Variants in SLTM observed in about 807,000 individuals in gnomAD.
SLTM encodes SAFB like transcription modulator, also known as SAFB-like transcription modulator.
Under a neutral mutation model 134.6 loss-of-function variants are expected in SLTM, and 43 were observed. The ratio of observed to expected loss-of-function variants is 0.32; its 90% CI spans 0.25 to 0.41. The LOEUF (loss-of-function observed/expected upper bound fraction) is 0.41, where lower values mean the gene tolerates loss of function less well. Ranked by LOEUF, SLTM falls within the 10% of genes least tolerant of loss-of-function variation. SLTM has a pLI of 1.00. For synonymous variants in SLTM, 424 were observed against 432.3 expected (o/e 0.98, Z 0.24); for missense variants, 1,055 against 1,288.8 (o/e 0.82, Z 2.78).
intron 5 of SLTM, among the ~76,000 whole-genome samples, chr15:58,911,642 A>C (rs1595899823): frequency 6.6e-6 from 1 of 152,366 alleles, no homozygotes; most frequent in East Asian, 1.9e-4. Context: ...TTCTTTAGTC[A>C]CAGATATGAG....
chr15:58,932,361 C>A lies in SLTM; in HGVS notation c.245G>T (p.Gly82Val). 1 of 1,610,946 alleles carries A rather than the reference C, an allele frequency of 6.2e-7. No individual in the cohort carries two copies. The highest frequency in any genetic ancestry group is 1.7e-4 in the Middle Eastern group (1 of 6,058). The change falls in exon 2 of 21, where the codon GGC (glycine) becomes GTC (valine). Residue 82 changes from glycine to valine, a missense_variant. Physicochemically the swap from Gly to Val is moderately radical, Grantham distance 109. Transcript: ENST00000380516. ...TGTTCATAACTCGTAACAACCTTTGCCTTTAGTTGGTTTCTTGTTTGGAGT... is the reference window on the plus strand; with the variant it reads ...TGTTCATAACTCGTAACAACCTTTGACTTTAGTTGGTTTCTTGTTTGGAGT... ...TDTPNKKPTK[G>V]KGKKHEADEL...
At chr15:58,906,333 T>C (rs1315249577) in intron 5 of SLTM, among the ~76,000 whole-genome samples, 1 of 152,194 alleles carries the variant, frequency 6.6e-6, no homozygotes, top group Non-Finnish European at 1.5e-5. Flanking sequence ...AAAAAAAAAT[T>C]TCACATATGA....
intron 5 of SLTM, among the ~76,000 whole-genome samples, chr15:58,906,840 T>G (rs1016062844): frequency 1.3e-5 from 2 of 152,238 alleles, no homozygotes; most frequent in Non-Finnish European, 2.9e-5. Flanking sequence ...CTGCTTGATT[T>G]TCATGTATCT....
chr15:58,883,723 CT>C lies in SLTM; in HGVS notation c.2898del (p.Glu967SerfsTer27). 1 of 1,614,152 alleles carries C rather than the reference CT, an allele frequency of 6.2e-7. No homozygotes were observed. The highest frequency in any genetic ancestry group is 8.5e-7 in the Non-Finnish European group (1 of 1,180,042). ...CCTTGAGAGGGTGGACCATGCCACT[CT>C]TTCCTTGGTCCGCTTGTGTCCCGTC... ...RHGRDTSGPRKEWHGPPSQGP... is the reference protein window; with the variant it reads ...RHGRDTSGPRXEWHGPPSQGP... On this transcript the variant is annotated frameshift_variant, in exon 20 of 21. Transcript: ENST00000380516. LOFTEE classifies it high-confidence loss of function.
chr15:58,916,363 G>A (rs966448071), intron 3 of SLTM, among the ~76,000 whole-genome samples: 4 of 152,068 alleles, frequency 2.6e-5, no homozygotes, highest in African/African-American at 7.2e-5. Flanking sequence ...TAGTAGAGAT[G>A]GGGTTTTACT....
intron 19 of SLTM, among the ~76,000 whole-genome samples, chr15:58,885,821 A>AACAC (rs59007619): frequency 2.4e-4 from 37 of 151,280 alleles, no homozygotes; most frequent in East Asian, 7.7e-4. Context: ...AAAAAACAAC[A>AACAC]ACACACACAC....
chr15:58,889,900 CAA>C lies in SLTM; in HGVS notation c.2080-348_2080-347del, dbSNP rs1167815069. 4.1e-5 allele frequency: 14 copies of C among 343,964 alleles called. No homozygotes were observed. In the East Asian group the frequency reaches 7.3e-4, roughly 18 times the overall value. The allele number at this position is 343,964 out of a possible 1,614,324, so 21.3% of individuals were successfully genotyped here. On this transcript the variant is annotated intron_variant, in intron 15 of 20. Transcript: ENST00000380516. ...CTTAAAACCCTGAGGTGCAATTCTG[CAA>C]AGAGAGGCATTATTTCCTTCCAGCC...
chr15:58,928,862 G>A (rs1346393504), intron 2 of SLTM, among the ~76,000 whole-genome samples: 1 of 151,972 alleles, frequency 6.6e-6, no homozygotes, highest in African/African-American at 2.4e-5. Context: ...GGCACTTTTC[G>A]TTTTCTAATA....
chr15:58,917,687 C>A (rs996339645), intron 2 of SLTM, among the ~76,000 whole-genome samples: 1 of 152,194 alleles, frequency 6.6e-6, no homozygotes, highest in African/African-American at 2.4e-5. Flanking sequence ...CGACAAACTA[C>A]AGACCTTCTT....
chr15:58,906,302 T>A (rs1290025954), intron 5 of SLTM, among the ~76,000 whole-genome samples: 2 of 152,190 alleles, frequency 1.3e-5, no homozygotes, highest in Admixed American at 6.5e-5. Context: ...CTTTTTAAAT[T>A]AACCACTCAA....
At chr15:58,907,053 A>G (rs2035910240) in intron 5 of SLTM, among the ~76,000 whole-genome samples, 1 of 152,194 alleles carries the variant, frequency 6.6e-6, no homozygotes, top group African/African-American at 2.4e-5. Flanking sequence ...TCACATGTGA[A>G]CCATATAAGA....
chr15:58,927,938 C>T (rs551858165), intron 2 of SLTM, among the ~76,000 whole-genome samples: 2 of 152,272 alleles, frequency 1.3e-5, no homozygotes, highest in East Asian at 3.9e-4. Context: ...TTTTAGAAAG[C>T]TTTACAGAGT....
At position 58,894,548 on chromosome 15, in the gene SLTM, C is replaced by G. The variant is rs2140998796; in HGVS notation, c.1262G>C (p.Ser421Thr). ...AATGCCATAGCATTTTGCCCCAGGA[C>G]TTCGAGCATTTGTAACTACTTTTGC... ...LSAKVVTNAR[S>T]PGAKCYGIVT... Residue 421 changes from serine to threonine, a missense_variant, in exon 10 of 21, where the codon AGT (serine) becomes ACT (threonine). By Grantham distance (58) the Ser-to-Thr change is moderately conservative. This residue lies in a region of SLTM where 776 missense variants were observed against 962.2 expected (regional missense o/e 0.81). Coordinates refer to ENST00000380516, the MANE Select transcript of SLTM (RefSeq NM_024755.4). 2 of 1,614,144 alleles carry G rather than the reference C, an allele frequency of 1.2e-6. No homozygotes were observed. The highest frequency in any genetic ancestry group is 1.7e-6 in the Non-Finnish European group (2 of 1,180,014).
At chr15:58,895,547 A>G (rs1595860744) in intron 9 of SLTM, among the ~76,000 whole-genome samples, 2 of 152,160 alleles carry the variant, frequency 1.3e-5, no homozygotes, top group East Asian at 3.8e-4. Context: ...GAAAATCAGG[A>G]GTTTTATGGT....
intron 5 of SLTM, among the ~76,000 whole-genome samples, chr15:58,904,544 A>AT (rs34047153): frequency 0.21 from 29,282 of 138,680 alleles, 3,366 homozygotes; most frequent in South Asian, 0.44. Context: ...TGCTCTAAGA[A>AT]TTTTTTTTTT....
chr15:58,890,951 T>TC (rs1303173048), intron 14 of SLTM, among the ~76,000 whole-genome samples: 1 of 152,236 alleles, frequency 6.6e-6, no homozygotes, highest in Non-Finnish European at 1.5e-5. Context: ...CAAAATGGTG[T>TC]CCTTAAGGGC....
intron 5 of SLTM, among the ~76,000 whole-genome samples, chr15:58,906,089 C>A (rs1483779659): frequency 6.6e-6 from 1 of 152,080 alleles, no homozygotes; most frequent in East Asian, 1.9e-4. Flanking sequence ...AACCATAAGT[C>A]CTAAATAAGA....
chr15:58,892,791 G>A, intron 14 of SLTM, 106 bp downstream of exon 14: 1 of 1,173,938 alleles, frequency 8.5e-7, no homozygotes, highest in South Asian at 1.4e-5. Flanking sequence ...CTTTAAGGTG[G>A]CAAACAGTTT....
chr15:58,895,791 T>C (rs1432240078), intron 9 of SLTM, among the ~76,000 whole-genome samples: 1 of 152,166 alleles, frequency 6.6e-6, no homozygotes, highest in East Asian at 1.9e-4. Flanking sequence ...CAATTCTCAG[T>C]GTTCTATTTC....
Sources: gnomAD v4.1 joint callset for allele counts (sites outside exome capture counted in the v4.1 genomes callset) on GRCh38, gnomAD v4.1.1 for gene constraint, gnomAD v4.1.1 regional missense constraint, MANE v1.5 for transcripts, NCBI Gene and HGNC (gene_info 2026-07-23, HGNC 2026-07-21) for gene names.